The following GRIK2 variants were observed in gnomAD, a reference collection of about 807,000 sequenced individuals.
GRIK2 encodes the protein glutamate ionotropic receptor kainate type subunit 2, also known as glutamate receptor ionotropic, kainate 2.
GRIK2 carries 32 observed loss-of-function variants against 100.3 expected under a neutral mutation model. That is an observed-to-expected ratio of 0.32 (90% CI 0.24 to 0.43). GRIK2 has a LOEUF of 0.43. Ranked by LOEUF, GRIK2 falls within the 20% of genes least tolerant of loss-of-function variation. The probability of loss-of-function intolerance (pLI) is 1.00; values close to 1 mark genes in which losing one functional copy is unlikely to be tolerated. For missense variants in GRIK2, 843 were observed against 1,114.9 expected (o/e 0.76, Z 3.47); for synonymous variants, 417 against 389.4 (o/e 1.07, Z -0.83).
At chr6:101,828,851 G>A (rs745669325) in intron 10 of GRIK2, among the ~76,000 whole-genome samples, 1 of 151,850 alleles carries the variant, frequency 6.6e-6, no homozygotes, top group Non-Finnish European at 1.5e-5. Flanking sequence ...AAGAGCTGGT[G>A]CAGATCCTAC....
intron 2 of GRIK2, among the ~76,000 whole-genome samples, chr6:101,530,686 GT>G (rs1775398490): frequency 6.6e-6 from 1 of 151,944 alleles, no homozygotes; most frequent in Non-Finnish European, 1.5e-5. Flanking sequence ...TTATTTAGAA[GT>G]TTTTCTGGAA....
chr6:102,017,654 A>G (rs893972435), intron 14 of GRIK2, among the ~76,000 whole-genome samples: 2 of 151,918 alleles, frequency 1.3e-5, no homozygotes, highest in Admixed American at 1.3e-4. Flanking sequence ...TGCTATTCTT[A>G]TTCTGTGTAT....
At chr6:101,670,294 C>T (rs1770335234) in intron 4 of GRIK2, among the ~76,000 whole-genome samples, 2 of 152,088 alleles carry the variant, frequency 1.3e-5, no homozygotes, top group South Asian at 2.1e-4. Context: ...TAACATTTTA[C>T]TCAAATTTTT....
At chr6:101,791,827 A>C (rs942075813) in intron 7 of GRIK2, among the ~76,000 whole-genome samples, 1 of 151,334 alleles carries the variant, frequency 6.6e-6, no homozygotes, top group South Asian at 2.1e-4. Context: ...TCCCATTATT[A>C]TTGTGTGGGA....
At chr6:101,812,710 T>G (rs1178422827) in intron 9 of GRIK2, among the ~76,000 whole-genome samples, 1 of 151,992 alleles carries the variant, frequency 6.6e-6, no homozygotes. Flanking sequence ...TTGTAGTAAG[T>G]AAAAGCATAA....
At chr6:101,709,604 A>G (rs1248800920) in intron 7 of GRIK2, among the ~76,000 whole-genome samples, 1 of 151,828 alleles carries the variant, frequency 6.6e-6, no homozygotes, top group Non-Finnish European at 1.5e-5. Flanking sequence ...TTTGTTTTAT[A>G]AAAGGATTTA....
chr6:101,632,251 C>T (rs1023556704), intron 4 of GRIK2, among the ~76,000 whole-genome samples: 8 of 152,050 alleles, frequency 5.3e-5, no homozygotes, highest in African/African-American at 1.9e-4. Context: ...CATCCCCACC[C>T]CCATGAGAAC....
chr6:101,890,286 A>G (rs1041066162), intron 12 of GRIK2: 2 of 155,612 alleles, frequency 1.3e-5, no homozygotes, highest in Non-Finnish European at 2.8e-5. Flanking sequence ...CAAGACATTT[A>G]TAATAAACAT....
chr6:102,061,058 T>C, intron 16 of GRIK2, among the ~76,000 whole-genome samples: 1 of 150,612 alleles, frequency 6.6e-6, no homozygotes, highest in East Asian at 1.9e-4. Flanking sequence ...ATTGGATGAA[T>C]TTTTAAAATG....
chr6:101,659,895 C>A (rs1275142519), intron 4 of GRIK2, among the ~76,000 whole-genome samples: 2 of 152,100 alleles, frequency 1.3e-5, no homozygotes, highest in Non-Finnish European at 1.5e-5. Context: ...CTCTGGCTGC[C>A]CTTAACATTT....
intron 2 of GRIK2, among the ~76,000 whole-genome samples, chr6:101,516,118 C>A (rs531250583): frequency 2.4e-4 from 36 of 152,132 alleles, no homozygotes; most frequent in Admixed American, 5.2e-4. Context: ...ACATCCCATG[C>A]TCATGGAGGG....
intron 2 of GRIK2, among the ~76,000 whole-genome samples, chr6:101,555,987 T>G (rs1357131665): frequency 6.6e-6 from 1 of 152,066 alleles, no homozygotes; most frequent in Non-Finnish European, 1.5e-5. Context: ...GAATGGAACT[T>G]AGACACTGAA....
chr6:101,648,912 T>A (rs1781656608), intron 4 of GRIK2, among the ~76,000 whole-genome samples: 1 of 152,052 alleles, frequency 6.6e-6, no homozygotes, highest in Non-Finnish European at 1.5e-5. Context: ...TCTTACATGG[T>A]GGCAGGCAAG....
chr6:101,995,125 A>T (rs547510855), intron 14 of GRIK2, among the ~76,000 whole-genome samples: 1 of 151,900 alleles, frequency 6.6e-6, no homozygotes, highest in Non-Finnish European at 1.5e-5. Context: ...GTGAAAATGA[A>T]CCCATGGTAG....
At chr6:101,436,656 T>C (rs935433510) in intron 2 of GRIK2, among the ~76,000 whole-genome samples, 2 of 151,976 alleles carry the variant, frequency 1.3e-5, no homozygotes, top group Non-Finnish European at 2.9e-5. Context: ...TTCAGATTCT[T>C]CTCAGTTCAT....
chr6:101,462,973 T>C (rs1227823403), intron 2 of GRIK2, among the ~76,000 whole-genome samples: 1 of 152,184 alleles, frequency 6.6e-6, no homozygotes, highest in Non-Finnish European at 1.5e-5. Context: ...AGATATAATG[T>C]TGAAGATTCT....
intron 2 of GRIK2, among the ~76,000 whole-genome samples, chr6:101,428,791 G>A (rs571007204): frequency 5.2e-4 from 79 of 152,290 alleles, no homozygotes; most frequent in Non-Finnish European, 1.1e-3. Context: ...GTTAAGTGTT[G>A]AAGTAATTAG....
intron 15 of GRIK2, among the ~76,000 whole-genome samples, chr6:102,053,091 A>AACAACAACAC (rs1554197943): frequency 1.3e-5 from 2 of 149,268 alleles, no homozygotes; most frequent in African/African-American, 4.9e-5. Context: ...CAACAACAAC[A>AACAACAACAC]ACACACACAC....
intron 2 of GRIK2, among the ~76,000 whole-genome samples, chr6:101,400,181 T>G (rs954644132): frequency 1.3e-5 from 2 of 152,196 alleles, no homozygotes; most frequent in African/African-American, 4.8e-5. Context: ...TGACTAAGTC[T>G]GCATCTTTCA....
Sources: allele counts gnomAD v4.1 joint callset (sites outside exome capture counted in the v4.1 genomes callset), GRCh38; gene constraint gnomAD v4.1.1; transcripts MANE v1.5; gene names NCBI Gene and HGNC (gene_info 2026-07-23, HGNC 2026-07-21).